Variants in TNFSF4 observed in about 807,000 individuals in gnomAD.
TNFSF4 encodes the protein tumor necrosis factor ligand superfamily member 4.
In TNFSF4, 4 loss-of-function variants were observed where a neutral mutation model predicts 7.3. The ratio of observed to expected loss-of-function variants is 0.55; its 90% CI spans 0.27 to 1.25. The LOEUF is 1.25. TNFSF4 is among the 50% of genes most tolerant of loss of function. The pLI, the probability that TNFSF4 is intolerant of heterozygous loss-of-function variation, is 0.12. For synonymous variants in TNFSF4, 76 were observed against 83.7 expected (o/e 0.91, Z 0.50); for missense variants, 181 against 208.8 (o/e 0.87, Z 0.82).
the TNFSF4 span, among the ~76,000 whole-genome samples, chr1:173,265,478 G>T: frequency 2.6e-5 from 4 of 152,080 alleles, no homozygotes; most frequent in Non-Finnish European, 5.9e-5. Context: ...ATTTCTGATG[G>T]GCTATTTTAT....
the TNFSF4 span, among the ~76,000 whole-genome samples, chr1:173,312,865 G>C: frequency 6.6e-6 from 1 of 152,060 alleles, no homozygotes; most frequent in Non-Finnish European, 1.5e-5. Flanking sequence ...CGTGGATCCA[G>C]GCCCTGAGGC....
the TNFSF4 span, among the ~76,000 whole-genome samples, chr1:173,410,387 G>A: frequency 2.0e-5 from 3 of 152,120 alleles, no homozygotes; most frequent in Non-Finnish European, 1.5e-5. Flanking sequence ...GGTTCAACAA[G>A]AATTCAAGGA....
chr1:173,306,305 C>T, the TNFSF4 span, among the ~76,000 whole-genome samples: 5 of 151,752 alleles, frequency 3.3e-5, no homozygotes, highest in Middle Eastern at 3.2e-3. Flanking sequence ...CTTCTCTGAG[C>T]TCTGACCTAC....
chr1:173,371,181 C>A, the TNFSF4 span, among the ~76,000 whole-genome samples: 3 of 152,208 alleles, frequency 2.0e-5, no homozygotes, highest in Non-Finnish European at 4.4e-5. Flanking sequence ...CAGTGTTAAT[C>A]TCCTGCGCTG....
intron 2 of TNFSF4, 134 bp from the exon 3 acceptor site, chr1:173,186,999 C>A: frequency 1.6e-6 from 1 of 620,444 alleles, no homozygotes; most frequent in Non-Finnish European, 2.8e-6. Context: ...AGCAGTGAGC[C>A]AAGATCCCGC....
At chr1:173,381,501 T>C in the TNFSF4 span, among the ~76,000 whole-genome samples, 1 of 152,200 alleles carries the variant, frequency 6.6e-6, no homozygotes, top group Non-Finnish European at 1.5e-5. Flanking sequence ...CCTTGTCAAA[T>C]GTGTTTCCTC....
the TNFSF4 span, among the ~76,000 whole-genome samples, chr1:173,255,226 G>T: frequency 6.6e-6 from 1 of 152,164 alleles, no homozygotes; most frequent in Non-Finnish European, 1.5e-5. Context: ...CCTTTTTTAG[G>T]CTGTGTGCTT....
the TNFSF4 span, among the ~76,000 whole-genome samples, chr1:173,381,716 T>A: frequency 8.7e-4 from 133 of 152,250 alleles, no homozygotes; most frequent in African/African-American, 3.0e-3. Flanking sequence ...ATTGCCCAAT[T>A]CCCAACAGCA....
the TNFSF4 span, among the ~76,000 whole-genome samples, chr1:173,272,653 T>C: frequency 6.6e-6 from 1 of 152,178 alleles, no homozygotes; most frequent in African/African-American, 2.4e-5. Context: ...ATTCTTGTAA[T>C]AAGCAGATGT....
At chr1:173,240,389 A>T in the TNFSF4 span, among the ~76,000 whole-genome samples, 2 of 152,224 alleles carry the variant, frequency 1.3e-5, no homozygotes, top group African/African-American at 2.4e-5. Context: ...AGATATTTTT[A>T]AAATATATGG....
At chr1:173,429,604 T>G in the TNFSF4 span, among the ~76,000 whole-genome samples, 1 of 152,108 alleles carries the variant, frequency 6.6e-6, no homozygotes, top group African/African-American at 2.4e-5. Flanking sequence ...CGCCACAACC[T>G]CCACCAGCTG....
At chr1:173,240,323 C>T in the TNFSF4 span, among the ~76,000 whole-genome samples, 1 of 152,148 alleles carries the variant, frequency 6.6e-6, no homozygotes, top group African/African-American at 2.4e-5. Flanking sequence ...ATCCCACTTC[C>T]CTTTTCCCCT....
upstream of TNFSF4, among the ~76,000 whole-genome samples, chr1:173,207,823 TA>T (rs1650254181): frequency 1.3e-5 from 2 of 152,356 alleles, no homozygotes; most frequent in Admixed American, 1.3e-4. Flanking sequence ...TCCTTGGTTG[TA>T]GTCTATTGCA....
chr1:173,354,029 A>G, the TNFSF4 span, among the ~76,000 whole-genome samples: 1 of 152,206 alleles, frequency 6.6e-6, no homozygotes, highest in East Asian at 1.9e-4. Flanking sequence ...ACAAAAAAAA[A>G]AATTCAAAAG....
chr1:173,295,935 T>C, the TNFSF4 span, among the ~76,000 whole-genome samples: 1 of 152,044 alleles, frequency 6.6e-6, no homozygotes, highest in Non-Finnish European at 1.5e-5. Context: ...TCTAAGTATC[T>C]CAAACTAGCT....
the TNFSF4 span, among the ~76,000 whole-genome samples, chr1:173,303,974 G>A: frequency 1.3e-5 from 2 of 151,858 alleles, no homozygotes; most frequent in South Asian, 4.1e-4. Flanking sequence ...ATTTTCAGAA[G>A]AAAGATATAT....
the TNFSF4 span, among the ~76,000 whole-genome samples, chr1:173,335,528 T>A: frequency 6.6e-6 from 1 of 151,854 alleles, no homozygotes; most frequent in Non-Finnish European, 1.5e-5. Flanking sequence ...AACAGCAGAG[T>A]CAAGGCGGCA....
intron 1 of TNFSF4, chr1:173,205,261 A>T (rs369211002): frequency 6.2e-7 from 1 of 1,604,994 alleles, no homozygotes; most frequent in Non-Finnish European, 8.5e-7. Context: ...TCTTGCTTCC[A>T]TCTCTGTGCC....
the TNFSF4 span, among the ~76,000 whole-genome samples, chr1:173,216,911 C>G: frequency 6.6e-6 from 1 of 152,136 alleles, no homozygotes; most frequent in Non-Finnish European, 1.5e-5. Flanking sequence ...TATGTTGGCT[C>G]AAATTCGCCC....
Sources: allele counts gnomAD v4.1 joint callset (sites outside exome capture counted in the v4.1 genomes callset), GRCh38; gene constraint gnomAD v4.1.1; transcripts MANE v1.5; gene names NCBI Gene and HGNC (gene_info 2026-07-23, HGNC 2026-07-21).